SLC24A2: variants seen among roughly 807,000 people sequenced by gnomAD.
SLC24A2 encodes the protein solute carrier family 24 member 2.
A neutral mutation model predicts 62.0 loss-of-function variants in SLC24A2; 36 were observed. The ratio of observed to expected loss-of-function variants is 0.58; its 90% CI spans 0.44 to 0.77. SLC24A2 has a LOEUF of 0.77. Ranked by LOEUF, SLC24A2 falls within the 30% of genes least tolerant of loss-of-function variation. The pLI, the probability that SLC24A2 is intolerant of heterozygous loss-of-function variation, is 0.00. For missense variants in SLC24A2, 846 were observed against 817.9 expected (o/e 1.03, Z -0.42); for synonymous variants, 358 against 294.0 (o/e 1.22, Z -2.23).
intron 2 of SLC24A2, among the ~76,000 whole-genome samples, chr9:19,731,062 T>A (rs956168593): frequency 1.3e-5 from 2 of 152,146 alleles, no homozygotes; most frequent in Admixed American, 6.6e-5. Flanking sequence ...TAAGCCAGCA[T>A]AAAACAAACT....
the SLC24A2 span, among the ~76,000 whole-genome samples, chr9:19,895,137 T>C: frequency 2.0e-5 from 3 of 152,098 alleles, no homozygotes; most frequent in East Asian, 5.8e-4. Context: ...ACGGTTTGAA[T>C]ATAAACAACC....
intron 8 of SLC24A2, among the ~76,000 whole-genome samples, chr9:19,541,859 T>C (rs1161223569): frequency 9.9e-5 from 15 of 151,678 alleles, no homozygotes; most frequent in East Asian, 3.9e-4. Context: ...ATCAGCGAGA[T>C]TCCGTGGGCG....
the SLC24A2 span, among the ~76,000 whole-genome samples, chr9:20,077,838 G>A: frequency 2.0e-5 from 3 of 151,826 alleles, no homozygotes; most frequent in Non-Finnish European, 4.4e-5. Flanking sequence ...GATAACCCGC[G>A]ATAGTGAAAA....
chr9:20,260,155 A>T, the SLC24A2 span, among the ~76,000 whole-genome samples: 1 of 152,222 alleles, frequency 6.6e-6, no homozygotes, highest in Non-Finnish European at 1.5e-5. Flanking sequence ...CTCCAACTTC[A>T]TTAGTGAGCT....
chr9:19,846,554 C>A, the SLC24A2 span, among the ~76,000 whole-genome samples: 1 of 152,170 alleles, frequency 6.6e-6, no homozygotes, highest in Admixed American at 6.5e-5. Flanking sequence ...ACTTGCCACT[C>A]TGCCTTTTAA....
intron 2 of SLC24A2, among the ~76,000 whole-genome samples, chr9:19,713,110 A>T (rs1820760797): frequency 6.6e-6 from 1 of 152,140 alleles, no homozygotes; most frequent in South Asian, 2.1e-4. Flanking sequence ...ATCACTAGCT[A>T]ACATCATATC....
chr9:19,799,046 C>T, the SLC24A2 span, among the ~76,000 whole-genome samples: 4 of 152,158 alleles, frequency 2.6e-5, no homozygotes. Flanking sequence ...AAAGCTTCTA[C>T]ACTATTCTAC....
At chr9:20,238,311 A>G in the SLC24A2 span, among the ~76,000 whole-genome samples, 1 of 152,180 alleles carries the variant, frequency 6.6e-6, no homozygotes, top group Non-Finnish European at 1.5e-5. Flanking sequence ...ATGATCAGGC[A>G]CCTTTTGCAC....
At chr9:19,839,108 G>C in the SLC24A2 span, among the ~76,000 whole-genome samples, 2 of 152,104 alleles carry the variant, frequency 1.3e-5, no homozygotes, top group African/African-American at 4.8e-5. Flanking sequence ...CTCAAAAGAA[G>C]ACATTTATGC....
At chr9:20,151,505 C>T in the SLC24A2 span, among the ~76,000 whole-genome samples, 85 of 151,960 alleles carry the variant, frequency 5.6e-4, no homozygotes, top group East Asian at 5.3e-3. Context: ...TAAGTGCTTC[C>T]TCAGAGGGCT....
intron 2 of SLC24A2, among the ~76,000 whole-genome samples, chr9:19,696,882 G>C (rs1440053295): frequency 6.6e-6 from 1 of 151,998 alleles, no homozygotes; most frequent in Non-Finnish European, 1.5e-5. Flanking sequence ...CATCATTTTA[G>C]AATTGAGTTT....
the SLC24A2 span, among the ~76,000 whole-genome samples, chr9:20,188,871 G>C: frequency 1.3e-5 from 2 of 152,114 alleles, no homozygotes; most frequent in Admixed American, 6.5e-5. Context: ...AAATGTAACA[G>C]GAAAAATGTG....
chr9:19,897,833 T>C, the SLC24A2 span, among the ~76,000 whole-genome samples: 4 of 152,300 alleles, frequency 2.6e-5, no homozygotes, highest in Admixed American at 2.6e-4. Context: ...TCCAAATCTT[T>C]ACGATACCCA....
At chr9:20,291,817 C>A in the SLC24A2 span, among the ~76,000 whole-genome samples, 58 of 152,204 alleles carry the variant, frequency 3.8e-4, 1 homozygote, top group East Asian at 7.9e-3. Context: ...CCATTTTTGA[C>A]ATGATTCATG....
the SLC24A2 span, among the ~76,000 whole-genome samples, chr9:19,833,387 G>C: frequency 6.6e-6 from 1 of 152,150 alleles, no homozygotes; most frequent in African/African-American, 2.4e-5. Context: ...CTAATACTGC[G>C]CTTTTCCAAC....
chr9:19,597,217 A>C lies in SLC24A2; in HGVS notation c.1129+12T>G. 1.9e-6 allele frequency: 3 copies of C among 1,558,636 alleles called. No individual in the cohort carries two copies. Among genetic ancestry groups the C allele is most frequent in the Non-Finnish European group, 2.7e-6 (3 of 1,129,564 alleles). On this transcript the variant is annotated intron_variant, in intron 5 of 10. Transcript: ENST00000341998. ...AAAAAGCCAATGCATACAATTCTAA[A>C]ATCATTCTTACCTTCTTCAGTCATT...
the SLC24A2 span, among the ~76,000 whole-genome samples, chr9:20,147,913 AGAG>A: frequency 1.3e-5 from 2 of 152,130 alleles, no homozygotes; most frequent in African/African-American, 4.8e-5. Context: ...TCTCAGTCTC[AGAG>A]GAGGACTGGG....
intron 2 of SLC24A2, among the ~76,000 whole-genome samples, chr9:19,679,206 A>G (rs1819642673): frequency 6.6e-6 from 1 of 152,102 alleles, no homozygotes; most frequent in Non-Finnish European, 1.5e-5. Flanking sequence ...TATACATACC[A>G]AAGGGCAATA....
At chr9:19,563,376 G>C (rs1170610789) in intron 7 of SLC24A2, among the ~76,000 whole-genome samples, 1 of 149,832 alleles carries the variant, frequency 6.7e-6, no homozygotes, top group Non-Finnish European at 1.5e-5. Context: ...GGACCTGACT[G>C]TTACCCCTTA....
Sources: gnomAD v4.1 joint callset for allele counts (sites outside exome capture counted in the v4.1 genomes callset) on GRCh38, gnomAD v4.1.1 for gene constraint, MANE v1.5 for transcripts, NCBI Gene and HGNC (gene_info 2026-07-23, HGNC 2026-07-21) for gene names.